Variants in SLC44A2 observed in about 807,000 individuals in gnomAD.
SLC44A2 encodes the protein solute carrier family 44 member 2 (CTL2 blood group), also known as choline transporter-like protein 2.
A neutral mutation model predicts 90.8 loss-of-function variants in SLC44A2; 57 were observed. The ratio of observed to expected loss-of-function variants is 0.63; its 90% CI spans 0.51 to 0.78. SLC44A2 has a LOEUF of 0.78. Among genes scored for constraint, SLC44A2 ranks in the 30% least tolerant of loss-of-function variants. The probability of loss-of-function intolerance (pLI) is 0.00; values close to 1 mark genes in which losing one functional copy is unlikely to be tolerated. For missense variants in SLC44A2, 794 were observed against 919.7 expected, an observed-to-expected ratio of 0.86 and a Z score of 1.77; for synonymous variants, 355 against 360.7, an observed-to-expected ratio of 0.98 and a Z score of 0.18.
At position 10,607,905 on chromosome 19, in the gene SLC44A2, C is replaced by T. The variant is rs185464969; in HGVS notation, c.31+5344C>T. Among the ~76,000 whole-genome samples, 880 of 151,308 alleles carry T rather than the reference C, an allele frequency of 5.8e-3. 7 individuals are homozygous for T. Among genetic ancestry groups the T allele is most frequent in the Admixed American group, 9.6e-3 (145 of 15,178 alleles). Reference sequence around the variant, plus strand: ...GGACTACAGGCGCCCGCCACTGTGCCTGCCACTGCCCCCGGCTAATTTTTT... The same window carrying T: ...GGACTACAGGCGCCCGCCACTGTGCTTGCCACTGCCCCCGGCTAATTTTTT... On this transcript the variant is annotated intron_variant, in intron 1 of 21. Coordinates refer to the SLC44A2 transcript ENST00000407327.
At chr19:10,619,942 G>C (rs953922604) in intron 1 of SLC44A2, among the ~76,000 whole-genome samples, 1 of 151,994 alleles carries the variant, frequency 6.6e-6, no homozygotes, top group Non-Finnish European at 1.5e-5. Context: ...GTGACAGAGC[G>C]AGACTCCGTC....
Position 10,644,011 on chromosome 19 carries a change from G to GT in SLC44A2, c.*627dup, listed in dbSNP as rs1452257497. The GT allele has an allele frequency of 6.5e-6, 1 of 152,754 alleles. No homozygotes were observed. Among genetic ancestry groups the GT allele is most frequent in the Non-Finnish European group, 1.5e-5 (1 of 68,160 alleles). 9.5% of individuals were successfully genotyped at this position (152,754 alleles called of 1,614,324 possible). A position where few individuals can be genotyped will look rare whatever the true frequency, so the allele number is the denominator to read the frequency against. On this transcript the variant is annotated 3_prime_UTR_variant, in exon 22 of 22. Transcript: ENST00000335757. ...GACGGGTGGGAGTGTGTGTGCCCAG[G>GT]TGGGGGTGTCTCCTGGCTGGGAAGG...
chr19:10,608,177 C>T lies in SLC44A2; in HGVS notation c.31+5616C>T, dbSNP rs546235681. Among the ~76,000 whole-genome samples, 312 of 150,952 alleles carry T rather than the reference C, an allele frequency of 2.1e-3. 2 individuals carry two copies. Among genetic ancestry groups the T allele is most frequent in the African/African-American group, 7.0e-3 (289 of 41,154 alleles). ...GGTGGAGGTTGTAGTGAGCCGAGAT[C>T]GCGCCACTGCACTCCAGCCTGGGCA... On this transcript the variant is annotated intron_variant, in intron 1 of 21. Transcript: ENST00000407327.
Position 10,631,042 on chromosome 19 carries a change from CT to C in SLC44A2, c.246-13del. 6.2e-7 allele frequency: 1 copy of C among 1,600,434 alleles called. No individual in the cohort carries two copies. The highest frequency in any genetic ancestry group is 8.5e-7 in the Non-Finnish European group (1 of 1,171,576). The stretch of plus-strand genomic sequence containing the variant: ...AAAATCTTAACAGTTTCCATTCTCC[CT>C]TCTCTAACTCCAGGAACAAACCCTA... On this transcript the variant is annotated splice_polypyrimidine_tract_variant and intron_variant, in intron 4 of 21. Coordinates refer to ENST00000335757, the MANE Select transcript of SLC44A2 (RefSeq NM_020428.4).
At chr19:10,631,984 C>A in intron 9 of SLC44A2, 33 bp downstream of exon 9, 1 of 1,612,784 alleles carries the variant, frequency 6.2e-7, no homozygotes, top group African/African-American at 1.3e-5. Flanking sequence ...TCTCCCCTGG[C>A]TGCCCCCTCT....
chr19:10,634,433 C>G (rs1176079700), intron 10 of SLC44A2, among the ~76,000 whole-genome samples: 1 of 149,906 alleles, frequency 6.7e-6, no homozygotes, highest in African/African-American at 2.5e-5. Flanking sequence ...CATTGAACTC[C>G]AGCCTGGGCA....
intron 1 of SLC44A2, among the ~76,000 whole-genome samples, chr19:10,617,593 T>G (rs566642623): frequency 6.6e-6 from 1 of 152,204 alleles, no homozygotes; most frequent in Non-Finnish European, 1.5e-5. Flanking sequence ...GACTCCCTCA[T>G]GTGTTCCCTC....
At chr19:10,610,208 A>AT (rs959414957) in intron 1 of SLC44A2, among the ~76,000 whole-genome samples, 11 of 150,472 alleles carry the variant, frequency 7.3e-5, no homozygotes, top group Middle Eastern at 3.4e-3. Context: ...AAAAGAAAAA[A>AT]AAATATATAT....
intron 4 of SLC44A2, among the ~76,000 whole-genome samples, chr19:10,629,123 G>C (rs540297585): frequency 1.3e-5 from 2 of 149,838 alleles, no homozygotes; most frequent in Non-Finnish European, 3.0e-5. Flanking sequence ...AGAATTGCTT[G>C]AACCTGGGAG....
chr19:10,623,605 T>C (rs1190950300), upstream of SLC44A2, among the ~76,000 whole-genome samples: 1 of 151,760 alleles, frequency 6.6e-6, no homozygotes, highest in Non-Finnish European at 1.5e-5. Context: ...CTTTGGGAGG[T>C]TGAGGTGGGA....
chr19:10,612,985 T>C (rs932938797), intron 1 of SLC44A2, among the ~76,000 whole-genome samples: 6 of 152,322 alleles, frequency 3.9e-5, no homozygotes, highest in Admixed American at 3.9e-4. Flanking sequence ...GCAACCTCAG[T>C]GTGCCCGTCG....
chr19:10,609,626 C>T lies in SLC44A2; in HGVS notation c.31+7065C>T, dbSNP rs535532610. ...AGTATAATTTACATACTAAAAAAACCACACATTATTAGTTTTTTTGTAGAG... is the reference window on the plus strand; with the variant it reads ...AGTATAATTTACATACTAAAAAAACTACACATTATTAGTTTTTTTGTAGAG... On this transcript the variant is annotated intron_variant, in intron 1 of 21. Transcript: ENST00000407327. Among the ~76,000 whole-genome samples, 65 of 151,954 alleles carry T rather than the reference C, an allele frequency of 4.3e-4. 1 individual carries two copies. Among genetic ancestry groups the T allele is most frequent in the Non-Finnish European group, 2.5e-4 (17 of 67,954 alleles).
In SLC44A2 at chr19:10,637,901, T is replaced by G. The variant is rs1182282289; in HGVS notation, c.1741T>G (p.Phe581Val). Residue 581 changes from phenylalanine to valine, a missense_variant, in exon 18 of 22, where the codon TTC becomes GTC. This residue lies in a region of SLC44A2 where 738 missense variants were observed against 841.1 expected (regional missense o/e 0.88). Transcript: ENST00000335757. Reference protein sequence around the residue: ...TNFCTSARNAFFLLMRNIIRV... With the variant: ...TNFCTSARNAVFLLMRNIIRV... ...TTTCTGCACCTCGGCCAGGAATGCC[T>G]TCTTCCTGCTCATGAGAAACATCAT... 2.5e-6 allele frequency: 4 copies of G among 1,614,014 alleles called. No individual in the cohort carries two copies. In the African/African-American group the frequency reaches 5.3e-5, roughly 22 times the overall value.
upstream of SLC44A2, among the ~76,000 whole-genome samples, chr19:10,620,945 G>A (rs753067758): frequency 2.6e-5 from 4 of 151,148 alleles, no homozygotes; most frequent in Admixed American, 6.6e-5. Flanking sequence ...AGGCTGAGGC[G>A]AGAAGATCAT....
In SLC44A2 at chr19:10,636,480, G is replaced by C; in HGVS notation, c.1391G>C (p.Gly464Ala). 1.2e-6 allele frequency: 2 copies of C among 1,613,378 alleles called. No individual in the cohort carries two copies. Among genetic ancestry groups the C allele is most frequent in the South Asian group, 1.1e-5 (1 of 91,076 alleles). The change falls in exon 15 of 22, where the codon GGC (glycine) becomes GCC (alanine). Residue 464 changes from glycine (G) to alanine (A), a missense_variant. Around this residue, in one of 3 missense-constraint regions of SLC44A2, gnomAD observed 738 missense variants for 841.1 expected, o/e 0.88. Coordinates refer to ENST00000335757, the MANE Select transcript of SLC44A2 (RefSeq NM_020428.4). ...TTGGCCAACTTCGTGCTGGCGCTGG[G>C]CCAGGTCACGCTGGCCGGGGCCTTT... ...FWLANFVLAL[G>A]QVTLAGAFAS... is the part of the protein sequence containing the mutation.
At chr19:10,624,190 G>A (rs1438077348), upstream of SLC44A2, among the ~76,000 whole-genome samples, 3 of 150,690 alleles carry the variant, frequency 2.0e-5, no homozygotes, top group Non-Finnish European at 4.4e-5. Context: ...TACAGACGGG[G>A]TTTCACCAAG....
upstream of SLC44A2, chr19:10,625,495 G>A (rs962030871): frequency 3.0e-5 from 37 of 1,221,076 alleles, no homozygotes; most frequent in African/African-American, 6.3e-5. Context: ...CGGTCTGACC[G>A]GTTTGGGCCG....
At chr19:10,629,782 C>G (rs2066974468) in intron 4 of SLC44A2, among the ~76,000 whole-genome samples, 1 of 150,468 alleles carries the variant, frequency 6.6e-6, no homozygotes, top group Non-Finnish European at 1.5e-5. Flanking sequence ...GAGACAGAGT[C>G]TCGCTCTGTC....
At chr19:10,613,686 G>GA (rs2066831563) in intron 1 of SLC44A2, among the ~76,000 whole-genome samples, 1 of 152,104 alleles carries the variant, frequency 6.6e-6, no homozygotes, top group Admixed American at 6.6e-5. Flanking sequence ...GTCTCTTTAA[G>GA]AAAAATGGAA....
Sources: gnomAD v4.1 joint callset for allele counts (sites outside exome capture counted in the v4.1 genomes callset) on GRCh38, gnomAD v4.1.1 for gene constraint, gnomAD v4.1.1 regional missense constraint, MANE v1.5 for transcripts, NCBI Gene and HGNC (gene_info 2026-07-23, HGNC 2026-07-21) for gene names.